Variants in PCDH15 observed in about 807,000 individuals in gnomAD.
PCDH15 encodes the protein protocadherin related 15, also known as protocadherin-15.
A neutral mutation model predicts 178.5 loss-of-function variants in PCDH15; 129 were observed. That is an observed-to-expected ratio of 0.72 (90% CI 0.63 to 0.84). The LOEUF (loss-of-function observed/expected upper bound fraction) is 0.84. Among genes scored for constraint, PCDH15 ranks in the 40% least tolerant of loss-of-function variants. The pLI is 0.00. For missense variants in PCDH15, 2,230 were observed against 2,099.9 expected, an observed-to-expected ratio of 1.06 and a Z score of -1.21; for synonymous variants, 800 against 732.0, an observed-to-expected ratio of 1.09 and a Z score of -1.50.
In PCDH15 at chr10:54,070,638, TGGAGTGCA is replaced by T. The variant is rs1242752090; in HGVS notation, c.2092-3761_2092-3754del. Among the ~76,000 whole-genome samples, 4 of 152,294 alleles carry T rather than the reference TGGAGTGCA, an allele frequency of 2.6e-5. No individual in the cohort carries two copies. In the East Asian group the frequency reaches 7.7e-4, roughly 29 times the overall value. On this transcript the variant is annotated intron_variant, in intron 17 of 37. Coordinates refer to ENST00000644397, the MANE Select transcript of PCDH15 (RefSeq NM_001384140.1). ...ACATGTCTCATTCTGTTGCCCAGGC[TGGAGTGCA>T]GTATGTGATCATAGCTCACAGCAGC... is the stretch of plus-strand genomic sequence containing the variant.
chr10:55,413,313 T>C (rs1445554692), intron 2 of PCDH15, among the ~76,000 whole-genome samples: 3 of 151,808 alleles, frequency 2.0e-5, no homozygotes, highest in East Asian at 3.9e-4. Context: ...TAAAGATTCC[T>C]CTTTTCATGG....
Position 54,066,801 on chromosome 10 carries a change from A to G in PCDH15, c.2176T>C (p.Ser726Pro). ...VFDPYLPRNL[S>P]VVEEEANAFV... ...GCATTGGCTTCTTCTTCCACCACAG[A>G]TAAATTTCTTGGCAGATAAGGATCA... The change falls in exon 18 of 38, where the codon TCT (serine) becomes CCT (proline). Residue 726 changes from serine to proline, a missense_variant. Physicochemically the swap from Ser to Pro is moderately conservative, Grantham distance 74. Coordinates refer to ENST00000644397, the MANE Select transcript of PCDH15 (RefSeq NM_001384140.1). 6.2e-7 allele frequency: 1 copy of G among 1,613,528 alleles called. No homozygotes were observed. The highest frequency in any genetic ancestry group is 8.5e-7 in the Non-Finnish European group (1 of 1,179,624).
chr10:54,499,908 T>C (rs1040749874), intron 3 of PCDH15, among the ~76,000 whole-genome samples: 2 of 152,044 alleles, frequency 1.3e-5, no homozygotes, highest in African/African-American at 2.4e-5. Flanking sequence ...TCAAAGAACT[T>C]AGAACTAACA....
chr10:54,237,256 A>G (rs929461657), intron 8 of PCDH15, among the ~76,000 whole-genome samples: 4 of 152,152 alleles, frequency 2.6e-5, no homozygotes, highest in African/African-American at 7.2e-5. Flanking sequence ...AGCCTATCAA[A>G]TAGTTTATGA....
chr10:55,607,126 A>T (rs928307305), intron 2 of PCDH15, among the ~76,000 whole-genome samples: 10 of 152,172 alleles, frequency 6.6e-5, no homozygotes, highest in Admixed American at 3.9e-4. Context: ...ACATTTATGC[A>T]GCCAAAAAAC....
intron 18 of PCDH15, among the ~76,000 whole-genome samples, chr10:54,025,969 C>T (rs544927993): frequency 6.6e-6 from 1 of 152,200 alleles, no homozygotes; most frequent in African/African-American, 2.4e-5. Context: ...GGATAGTATC[C>T]CCATCTCAGA....
chr10:53,819,611 G>T (rs1366736147), intron 33 of PCDH15, among the ~76,000 whole-genome samples: 2 of 151,904 alleles, frequency 1.3e-5, no homozygotes, highest in South Asian at 2.1e-4. Flanking sequence ...CAAATGTTTG[G>T]TCATCTTTCT....
At chr10:54,845,123 CT>C (rs1334588134) in intron 3 of PCDH15, among the ~76,000 whole-genome samples, 1 of 150,764 alleles carries the variant, frequency 6.6e-6, no homozygotes, top group Non-Finnish European at 1.5e-5. Context: ...GCCTTTTTTT[CT>C]TTTTTCTTTT....
chr10:54,207,364 TTGTGTGTGTG>T (rs746250247), intron 10 of PCDH15, among the ~76,000 whole-genome samples: 1 of 87,516 alleles, frequency 1.1e-5, no homozygotes, highest in East Asian at 2.0e-4. Context: ...CTGTTTTGTT[TTGTGTGTGTG>T]TGTATGTGTG....
intron 14 of PCDH15, among the ~76,000 whole-genome samples, chr10:54,141,117 T>C (rs1344471994): frequency 6.6e-6 from 1 of 150,770 alleles, no homozygotes; most frequent in Non-Finnish European, 1.5e-5. Flanking sequence ...TACATATATA[T>C]AATATATAAA....
At chr10:54,190,139 T>C (rs16905691) in intron 11 of PCDH15, among the ~76,000 whole-genome samples, 32,949 of 152,014 alleles carry the variant, frequency 0.22, 4,907 homozygotes, top group East Asian at 0.85. Flanking sequence ...GGCTTCACTT[T>C]CCACTAAATT....
At chr10:54,587,243 G>C (rs1275589549) in intron 2 of PCDH15, among the ~76,000 whole-genome samples, 1 of 152,098 alleles carries the variant, frequency 6.6e-6, no homozygotes, top group Non-Finnish European at 1.5e-5. Context: ...TGTTGTCTCT[G>C]TTTCCCATTG....
intron 3 of PCDH15, among the ~76,000 whole-genome samples, chr10:54,420,993 A>G (rs1331063633): frequency 6.6e-6 from 1 of 152,100 alleles, no homozygotes; most frequent in Non-Finnish European, 1.5e-5. Context: ...CTCAACCTGG[A>G]ATACCACGAA....
chr10:55,183,840 TTC>T (rs1277093763), intron 1 of PCDH15, among the ~76,000 whole-genome samples: 1 of 151,982 alleles, frequency 6.6e-6, no homozygotes, highest in Non-Finnish European at 1.5e-5. Context: ...CTTGCATCAC[TTC>T]TGTTAGCCTT....
intron 27 of PCDH15, among the ~76,000 whole-genome samples, chr10:53,864,045 A>T (rs1257611581): frequency 6.6e-6 from 1 of 152,204 alleles, no homozygotes; most frequent in African/African-American, 2.4e-5. Flanking sequence ...TTTCTAGGAC[A>T]TCGAGGCAAA....
chr10:53,845,384 C>T (rs1329068140), intron 28 of PCDH15, among the ~76,000 whole-genome samples: 1 of 151,668 alleles, frequency 6.6e-6, no homozygotes, highest in East Asian at 1.9e-4. Context: ...GGTATACATC[C>T]AAAAGAAAGA....
chr10:54,871,002 G>T (rs1379236820), intron 3 of PCDH15, among the ~76,000 whole-genome samples: 3 of 152,086 alleles, frequency 2.0e-5, no homozygotes, highest in Non-Finnish European at 4.4e-5. Flanking sequence ...GGCAATCTCA[G>T]GATCTGCTCT....
intron 2 of PCDH15, among the ~76,000 whole-genome samples, chr10:55,096,288 A>G (rs953770894): frequency 1.3e-5 from 2 of 152,126 alleles, no homozygotes; most frequent in African/African-American, 2.4e-5. Context: ...CATTAACTCA[A>G]TTGGTCTCTC....
chr10:54,081,461 G>C (rs1590296308), intron 16 of PCDH15, among the ~76,000 whole-genome samples: 1 of 152,042 alleles, frequency 6.6e-6, no homozygotes, highest in African/African-American at 2.4e-5. Flanking sequence ...CTATGGTCTG[G>C]TGATTATTAT....
Sources: gnomAD v4.1 joint callset for allele counts (sites outside exome capture counted in the v4.1 genomes callset) on GRCh38, gnomAD v4.1.1 for gene constraint, MANE v1.5 for transcripts, NCBI Gene and HGNC (gene_info 2026-07-23, HGNC 2026-07-21) for gene names.